The following ENOX1 variants were observed in gnomAD, a reference collection of about 807,000 sequenced individuals.
The protein encoded by ENOX1 is ecto-NOX disulfide-thiol exchanger 1.
A neutral mutation model predicts 82.5 loss-of-function variants in ENOX1; 42 were observed. The observed-to-expected ratio is 0.51, with a 90% CI of 0.40 to 0.66. The LOEUF (loss-of-function observed/expected upper bound fraction) is 0.66. Ranked by LOEUF, ENOX1 falls within the 30% of genes least tolerant of loss-of-function variation. The pLI is 0.00. For missense variants in ENOX1, 608 were observed against 811.6 expected, an observed-to-expected ratio of 0.75 and a Z score of 3.05; for synonymous variants, 271 against 282.2, an observed-to-expected ratio of 0.96 and a Z score of 0.40.
intron 2 of ENOX1, among the ~76,000 whole-genome samples, chr13:43,639,885 C>T (rs1346473024): frequency 6.6e-6 from 1 of 152,036 alleles, no homozygotes; most frequent in Non-Finnish European, 1.5e-5. Flanking sequence ...GAACATTAGC[C>T]AGGCATGGTG....
chr13:43,618,719 C>T (rs2082592206), intron 2 of ENOX1, among the ~76,000 whole-genome samples: 1 of 151,908 alleles, frequency 6.6e-6, no homozygotes, highest in South Asian at 2.1e-4. Context: ...GTTATGAGGG[C>T]TCTTTTTTTG....
intron 12 of ENOX1, among the ~76,000 whole-genome samples, chr13:43,277,143 C>T (rs544298856): frequency 1.3e-5 from 2 of 152,320 alleles, no homozygotes; most frequent in South Asian, 4.1e-4. Flanking sequence ...TATGCTATTA[C>T]ACTAGGCTAT....
chr13:43,526,932 T>C (rs2078013153), intron 2 of ENOX1, among the ~76,000 whole-genome samples: 1 of 152,084 alleles, frequency 6.6e-6, no homozygotes, highest in African/African-American at 2.4e-5. Flanking sequence ...TCGGCCCTCT[T>C]GCCCTTCTGC....
chr13:43,783,148 A>G (rs1952371176), intron 1 of ENOX1, among the ~76,000 whole-genome samples: 2 of 152,218 alleles, frequency 1.3e-5, no homozygotes. Context: ...AGAGATTATT[A>G]AAGACTGCCC....
intron 7 of ENOX1, 63 bp from the exon 8 acceptor site, chr13:43,356,215 C>G (rs1054485403): frequency 2.0e-6 from 3 of 1,468,668 alleles, no homozygotes; most frequent in East Asian, 4.7e-5. Context: ...TTGGTCCAGA[C>G]CTTCAAGGCA....
At chr13:43,763,171 T>C (rs942138106) in intron 1 of ENOX1, among the ~76,000 whole-genome samples, 8 of 152,230 alleles carry the variant, frequency 5.3e-5, no homozygotes, top group African/African-American at 1.9e-4. Context: ...CTTGTCTATG[T>C]CTGGGCTGCA....
intron 14 of ENOX1, among the ~76,000 whole-genome samples, chr13:43,239,955 A>G (rs1288621971): frequency 6.6e-6 from 1 of 152,192 alleles, no homozygotes; most frequent in Non-Finnish European, 1.5e-5. Context: ...GATAAGGACA[A>G]TTATCGATAA....
At chr13:43,743,631 G>A (rs1048044241) in intron 1 of ENOX1, among the ~76,000 whole-genome samples, 4 of 152,114 alleles carry the variant, frequency 2.6e-5, no homozygotes, top group African/African-American at 9.7e-5. Context: ...TCCTCCCCTG[G>A]CCTTAAGAGA....
chr13:43,470,533 C>T lies in ENOX1; in HGVS notation c.-75+13476G>A, dbSNP rs540260459. On this transcript the variant is annotated intron_variant, in intron 3 of 16. Transcript: ENST00000690772. Reference sequence around the variant, plus strand: ...AACTTCTGCTCATCAAAAGACATCACTAAGAGAATAAATTAGCAAGGCTCA... The same window carrying T: ...AACTTCTGCTCATCAAAAGACATCATTAAGAGAATAAATTAGCAAGGCTCA... 3.4e-5 allele frequency among the ~76,000 whole-genome samples: 5 copies of T among 149,218 alleles called. No individual in the cohort carries two copies. The South Asian group carries it at 8.4e-4, about 25-fold the overall frequency.
At chr13:43,362,280 T>C (rs1410297172) in intron 5 of ENOX1, among the ~76,000 whole-genome samples, 2 of 151,600 alleles carry the variant, frequency 1.3e-5, no homozygotes, top group East Asian at 3.9e-4. Flanking sequence ...AAAGGTGGCA[T>C]ACAGACACTA....
chr13:43,742,661 T>C (rs141225447), intron 1 of ENOX1, among the ~76,000 whole-genome samples: 198 of 152,294 alleles, frequency 1.3e-3, no homozygotes, highest in African/African-American at 4.1e-3. Flanking sequence ...CTTGTCAAGT[T>C]GACACATAAA....
At chr13:43,539,225 GCTTTA>G (rs1446616346) in intron 2 of ENOX1, among the ~76,000 whole-genome samples, 1 of 151,958 alleles carries the variant, frequency 6.6e-6, no homozygotes, top group Non-Finnish European at 1.5e-5. Context: ...TTCCTACTTT[GCTTTA>G]GTTTATTTTC....
rs190902316 is a variant in ENOX1, at chr13:43,360,525, C to T, written c.383-468G>A. ...CAATACTTACTTGGCTGTGAAACAC[C>T]GGGCCTGAAAAAAACCACTTTGTTA... On this transcript the variant is annotated intron_variant, in intron 6 of 16. Transcript: ENST00000690772. Among the ~76,000 whole-genome samples, 418 of 151,842 alleles carry T rather than the reference C, an allele frequency of 2.8e-3. 2 individuals are homozygous for T. Among genetic ancestry groups the T allele is most frequent in the Middle Eastern group, 6.8e-3 (2 of 294 alleles).
intron 2 of ENOX1, among the ~76,000 whole-genome samples, chr13:43,590,784 A>AAC (rs911358375): frequency 1.3e-5 from 2 of 151,734 alleles, no homozygotes; most frequent in Non-Finnish European, 2.9e-5. Flanking sequence ...TCAAAAAAAA[A>AAC]AAAAAACATT....
At chr13:43,376,749 C>T (rs1399190801) in intron 5 of ENOX1, among the ~76,000 whole-genome samples, 1 of 152,190 alleles carries the variant, frequency 6.6e-6, no homozygotes, top group East Asian at 1.9e-4. Context: ...CACTGTTCCC[C>T]TTGGCCACCA....
chr13:43,448,113 G>A (rs2056758529), intron 3 of ENOX1, among the ~76,000 whole-genome samples: 1 of 152,196 alleles, frequency 6.6e-6, no homozygotes, highest in Non-Finnish European at 1.5e-5. Flanking sequence ...TGCAGCTGGT[G>A]CACTGCATTT....
chr13:43,689,551 G>A (rs546168621), intron 1 of ENOX1, among the ~76,000 whole-genome samples: 11 of 152,222 alleles, frequency 7.2e-5, no homozygotes, highest in African/African-American at 2.6e-4. Context: ...AGAGAAAATG[G>A]CAAAATCAGC....
At chr13:43,372,858 A>G (rs1370402380) in intron 5 of ENOX1, among the ~76,000 whole-genome samples, 1 of 152,158 alleles carries the variant, frequency 6.6e-6, no homozygotes, top group Admixed American at 6.5e-5. Context: ...TCAGAGGGAG[A>G]GACAGCAGCA....
intron 2 of ENOX1, among the ~76,000 whole-genome samples, chr13:43,608,250 C>A (rs2082053767): frequency 6.6e-6 from 1 of 152,024 alleles, no homozygotes; most frequent in African/African-American, 2.4e-5. Context: ...ATAAGAACAC[C>A]GGACTTTAAA....
Sources: gnomAD v4.1 joint callset for allele counts (sites outside exome capture counted in the v4.1 genomes callset) on GRCh38, gnomAD v4.1.1 for gene constraint, MANE v1.5 for transcripts, NCBI Gene and HGNC (gene_info 2026-07-23, HGNC 2026-07-21) for gene names.